FCRL4: variants seen among roughly 807,000 people sequenced by gnomAD.
FCRL4 encodes the protein Fc receptor-like protein 4.
A neutral mutation model predicts 64.1 loss-of-function variants in FCRL4; 43 were observed. That is an observed-to-expected ratio of 0.67 (90% CI 0.53 to 0.87). FCRL4 has a LOEUF of 0.87. Ranked by LOEUF, FCRL4 falls within the 40% of genes least tolerant of loss-of-function variation. The pLI is 0.00. For synonymous variants in FCRL4, 253 were observed against 239.8 expected, an observed-to-expected ratio of 1.05 and a Z score of -0.51; for missense variants, 656 against 613.5, an observed-to-expected ratio of 1.07 and a Z score of -0.73.
intron 2 of FCRL4, among the ~76,000 whole-genome samples, chr1:157,590,450 A>AT (rs11340239): frequency 2.7e-4 from 41 of 150,380 alleles, no homozygotes; most frequent in African/African-American, 8.3e-4. Flanking sequence ...TCCTTGAGCC[A>AT]TTTTTTTTCT....
chr1:157,578,590 G>A, intron 9 of FCRL4, 48 bp from the exon 10 acceptor site: 1 of 1,495,770 alleles, frequency 6.7e-7, no homozygotes, highest in Non-Finnish European at 9.3e-7. Context: ...GTATTAAAGT[G>A]CTACAGATGC....
intron 10 of FCRL4, among the ~76,000 whole-genome samples, chr1:157,576,105 C>T (rs1029939201): frequency 3.3e-5 from 5 of 152,190 alleles, no homozygotes; most frequent in African/African-American, 4.8e-5. Context: ...TTAGAGTACT[C>T]CATATGCATG....
Position 157,585,407 on chromosome 1 carries a change from T to TTTCTTTCTTTCTTTCTTTCTTTCC in FCRL4, c.1135+760_1135+761insGGAAAGAAAGAAAGAAAGAAAGAA, listed in dbSNP as rs1652667902. ...CTTTCTTTCTTTCCTTCTTTCTTTC[T>TTTCTTTCTTTCTTTCTTTCTTTCC]TTCTTTCTTTCTTTCCTTTTTCAGA... On this transcript the variant is annotated intron_variant, in intron 6 of 11. Transcript: ENST00000271532. Among the ~76,000 whole-genome samples the TTTCTTTCTTTCTTTCTTTCTTTCC allele has an allele frequency of 9.5e-5, 13 of 137,284 alleles. 1 individual carries two copies. The highest frequency in any genetic ancestry group is 2.6e-4 in the African/African-American group (9 of 34,860). The allele number at this position is 137,284 out of a possible 152,430, so 90.1% of individuals were successfully genotyped here.
Position 157,589,422 on chromosome 1 carries a change from G to A in FCRL4, c.89C>T (p.Pro30Leu), listed in dbSNP as rs781018988. ...CTCTCCTTTGAAGAATGTGGTCCAT[G>A]GAGGATGGACGGAAATCACAGGTTT... ...AHKPVISVHP[P>L]WTTFFKGERV... The change falls in exon 3 of 12, where the codon CCA becomes CTA. Residue 30 changes from proline (P) to leucine (L), a missense_variant. Physicochemically the swap from Pro to Leu is moderately conservative, Grantham distance 98 (BLOSUM62 -3). Transcript: ENST00000271532. 3 of 1,614,146 alleles carry A rather than the reference G, an allele frequency of 1.9e-6. No individual in the cohort carries two copies. The highest frequency in any genetic ancestry group is 1.7e-6 in the Non-Finnish European group (2 of 1,179,990).
Position 157,578,535 on chromosome 1 carries a change from G to T in FCRL4, c.1368C>A (p.Pro456=), listed in dbSNP as rs1271054854. The part of the protein sequence containing the change: ...ELQSLYVDVH[P]KKGDLVYSEI... ...CAGAGTATACCAAATCTCCCTTTTT[G>T]GGGTGTACTGGAAAGAAAAGACATT... The change falls in exon 10 of 12, where the codon CCC becomes CCA. Residue 456 remains proline (P), a synonymous_variant. Transcript: ENST00000271532. 3 of 1,613,398 alleles carry T rather than the reference G, an allele frequency of 1.9e-6. No individual in the cohort carries two copies. Among genetic ancestry groups the T allele is most frequent in the Non-Finnish European group, 2.5e-6 (3 of 1,179,606 alleles).
At chr1:157,596,458 C>T (rs769288565) in intron 1 of FCRL4, 110 bp from the exon 2 acceptor site, 17 of 1,197,126 alleles carry the variant, frequency 1.4e-5, no homozygotes, top group Admixed American at 1.9e-5. Context: ...AAGAGAAACA[C>T]GTTCCATTCC....
intron 6 of FCRL4, among the ~76,000 whole-genome samples, chr1:157,584,752 C>A (rs1394988153): frequency 6.6e-6 from 1 of 152,102 alleles, no homozygotes; most frequent in African/African-American, 2.4e-5. Flanking sequence ...GGGCCATTCG[C>A]ATAGCAACCC....
rs758807052 is a variant in FCRL4 at position 157,589,301 on chromosome 1, G to A, written c.210C>T (p.Thr70=). 14 of 1,614,010 alleles carry A rather than the reference G, an allele frequency of 8.7e-6. No individual in the cohort carries two copies. The highest frequency in any genetic ancestry group is 8.0e-5 in the African/African-American group (6 of 74,910). The change falls in exon 3 of 12, where the codon ACC becomes ACT. Residue 70 remains threonine (T), a synonymous_variant. Transcript: ENST00000271532. ...RHYWGEKLTL[T]PGNTLEVRES... Reference sequence around the variant, plus strand: ...CCCGAACCTCGAGGGTGTTTCCTGGGGTCAGGGTCAACTTTTCTCCCCAGT... The same window carrying A: ...CCCGAACCTCGAGGGTGTTTCCTGGAGTCAGGGTCAACTTTTCTCCCCAGT...
At chr1:157,580,491 G>T in intron 7 of FCRL4, 143 bp from the exon 8 acceptor site, 2 of 817,552 alleles carry the variant, frequency 2.4e-6, no homozygotes, top group East Asian at 2.5e-5. Flanking sequence ...TGAAAATGAG[G>T]TGAAAAAAAG....
chr1:157,580,403 G>A, intron 7 of FCRL4, 55 bp from the exon 8 acceptor site: 1 of 1,586,320 alleles, frequency 6.3e-7, no homozygotes, highest in Admixed American at 1.7e-5. Flanking sequence ...CTTTCTCAAT[G>A]ACTTCATGTA....
intron 7 of FCRL4, among the ~76,000 whole-genome samples, chr1:157,581,037 C>T (rs907468112): frequency 6.6e-5 from 10 of 152,192 alleles, no homozygotes; most frequent in Admixed American, 5.9e-4. Context: ...CACCAGATGG[C>T]AGGCTCAAGC....
intron 2 of FCRL4, 79 bp from the exon 3 acceptor site, chr1:157,589,537 A>G: frequency 6.5e-7 from 1 of 1,543,480 alleles, no homozygotes; most frequent in Non-Finnish European, 8.8e-7. Context: ...GTTACAGTGG[A>G]GGACATGGCT....
rs1357403706 is a variant in FCRL4 at position 157,587,940 on chromosome 1, C to T, written c.487G>A (p.Gly163Ser). Residue 163 changes from glycine to serine, a missense_variant, in exon 4 of 12, where the codon GGC becomes AGC. Physicochemically the swap from Gly to Ser is moderately conservative, Grantham distance 56. Transcript: ENST00000271532. ...LIPQASSNNN[G>S]NYRCIGYGDE... ...CCATATCCAATGCATCGATAATTGC[C>T]ATTGTTATTTGAACTTGCTTGTGGG... The T allele has an allele frequency of 6.2e-7, 1 of 1,612,658 alleles. No homozygotes were observed. Among genetic ancestry groups the T allele is most frequent in the Non-Finnish European group, 8.5e-7 (1 of 1,179,124 alleles).
intron 6 of FCRL4, among the ~76,000 whole-genome samples, chr1:157,584,172 T>A (rs1020208399): frequency 2.0e-5 from 3 of 152,158 alleles, no homozygotes; most frequent in Non-Finnish European, 2.9e-5. Context: ...ATAAGAGCCT[T>A]CCTGCAGAAG....
Position 157,586,234 on chromosome 1 carries a change from AT to A in FCRL4, c.1068del (p.Tyr357ThrfsTer17). 6.2e-7 allele frequency: 1 copy of A among 1,614,038 alleles called. No homozygotes were observed. The highest frequency in any genetic ancestry group is 1.3e-5 in the African/African-American group (1 of 74,920). ...LPAIRQSHAG[G>X]YYCTADNSYG... ...TAGCTGTTGTCTGCTGTACAGTAGT[AT>A]CCCCCTGCATGGCTCTGTCTGATGG... On this transcript the variant is annotated frameshift_variant, in exon 6 of 12. Coordinates refer to ENST00000271532, the MANE Select transcript of FCRL4 (RefSeq NM_031282.3). LOFTEE classifies it high-confidence loss of function.
rs753148912 is a variant in FCRL4, at chr1:157,587,337, A to C, written c.786T>G (p.Gly262=). Residue 262 remains glycine (G), a synonymous_variant, in exon 5 of 12, where the codon GGT becomes GGG. Coordinates refer to ENST00000271532, the MANE Select transcript of FCRL4 (RefSeq NM_031282.3). Reference sequence around the variant, plus strand: ...GGATGTTACCCCTCACTGTTTCAGCACCACACCAATAGGATCCTGAGTTTT... The same window carrying C: ...GGATGTTACCCCTCACTGTTTCAGCCCCACACCAATAGGATCCTGAGTTTT... The part of the protein sequence containing the change: ...WRENSGSYWC[G]AETVRGNIHK... 1 of 1,614,198 alleles carries C rather than the reference A, an allele frequency of 6.2e-7. No homozygotes were observed. Among genetic ancestry groups the C allele is most frequent in the South Asian group, 1.1e-5 (1 of 91,084 alleles).
chr1:157,594,697 A>T (rs188732775), intron 2 of FCRL4, among the ~76,000 whole-genome samples: 121 of 152,328 alleles, frequency 7.9e-4, no homozygotes, highest in Admixed American at 2.2e-3. Context: ...TTACTTTTTT[A>T]AAGCTTAAAA....
At chr1:157,589,115 A>G in intron 3 of FCRL4, 89 bp downstream of exon 3, 2 of 1,431,924 alleles carry the variant, frequency 1.4e-6, no homozygotes, top group East Asian at 4.6e-5. Flanking sequence ...TTAGAGAGGA[A>G]TGAAAGACCC....
chr1:157,588,151 C>T, intron 3 of FCRL4, 32 bp from the exon 4 acceptor site: 3 of 1,567,588 alleles, frequency 1.9e-6, no homozygotes, highest in Non-Finnish European at 2.6e-6. Context: ...GATCGTCATT[C>T]AAAGCATTCC....
Sources: allele counts gnomAD v4.1 joint callset (sites outside exome capture counted in the v4.1 genomes callset), GRCh38; gene constraint gnomAD v4.1.1; transcripts MANE v1.5; gene names NCBI Gene and HGNC (gene_info 2026-07-23, HGNC 2026-07-21).